Variants in MBD5 observed in about 807,000 individuals in gnomAD.
MBD5 encodes methyl-CpG binding domain protein 5.
MBD5 carries 13 observed loss-of-function variants against 117.3 expected under a neutral mutation model. That is an observed-to-expected ratio of 0.11 (90% confidence interval 0.07 to 0.18). The LOEUF is 0.18. Among genes scored for constraint, MBD5 ranks in the 10% least tolerant of loss-of-function variants. The pLI is 1.00. For missense variants in MBD5, 1,879 were observed against 2,093.8 expected (o/e 0.90, Z 2.00); for synonymous variants, 727 against 766.4 (o/e 0.95, Z 0.85).
intron 3 of MBD5, among the ~76,000 whole-genome samples, chr2:148,297,377 C>T (rs566286428): frequency 2.0e-5 from 3 of 152,252 alleles, no homozygotes; most frequent in African/African-American, 4.8e-5. Flanking sequence ...CTTCAGAGCA[C>T]GCAGCCTTTC....
chr2:148,346,782 C>T (rs1703133629), intron 4 of MBD5: 1 of 151,052 alleles, frequency 6.6e-6, no homozygotes, highest in Non-Finnish European at 1.5e-5. Flanking sequence ...GTTTTGTGTG[C>T]TTTATTTTTG....
intron 7 of MBD5, among the ~76,000 whole-genome samples, chr2:148,466,313 C>T (rs1053497754): frequency 2.0e-5 from 3 of 152,084 alleles, no homozygotes; most frequent in Non-Finnish European, 4.4e-5. Flanking sequence ...TATAACAAAA[C>T]ATCAGCCTGA....
intron 4 of MBD5, among the ~76,000 whole-genome samples, chr2:148,432,940 T>G (rs1326346071): frequency 6.6e-6 from 1 of 152,202 alleles, no homozygotes; most frequent in Non-Finnish European, 1.5e-5. Context: ...GCATTAAATC[T>G]GTAAATTGTT....
intron 1 of MBD5, among the ~76,000 whole-genome samples, chr2:148,112,210 A>G (rs1386977811): frequency 6.6e-6 from 1 of 152,216 alleles, no homozygotes; most frequent in Non-Finnish European, 1.5e-5. Flanking sequence ...AAGAATTTAT[A>G]GTTCTCCTAG....
intron 11 of MBD5, among the ~76,000 whole-genome samples, chr2:148,502,114 A>T (rs1269948253): frequency 1.3e-5 from 2 of 152,230 alleles, no homozygotes; most frequent in African/African-American, 2.4e-5. Flanking sequence ...GCAGTTGCTA[A>T]GAAAGTGAAC....
At chr2:148,340,877 T>C (rs537597909) in intron 3 of MBD5, among the ~76,000 whole-genome samples, 105 of 127,850 alleles carry the variant, frequency 8.2e-4, no homozygotes, top group East Asian at 4.2e-3. Flanking sequence ...CACACACACA[T>C]AGCATTTATT....
chr2:148,240,668 T>C (rs1184951667), intron 3 of MBD5, among the ~76,000 whole-genome samples: 1 of 152,182 alleles, frequency 6.6e-6, no homozygotes, highest in Non-Finnish European at 1.5e-5. Flanking sequence ...TCATGTCCCA[T>C]ATAGTATTCA....
intron 2 of MBD5, among the ~76,000 whole-genome samples, chr2:148,189,142 T>C: frequency 6.9e-6 from 1 of 144,648 alleles, no homozygotes; most frequent in South Asian, 2.3e-4. Flanking sequence ...AGCACAGCAG[T>C]CTGAGATCAA....
chr2:148,029,065 A>T (rs1693973117), intron 1 of MBD5, among the ~76,000 whole-genome samples: 1 of 152,150 alleles, frequency 6.6e-6, no homozygotes, highest in Non-Finnish European at 1.5e-5. Context: ...TGTTCAGTTT[A>T]CTATGTATCA....
intron 1 of MBD5, among the ~76,000 whole-genome samples, chr2:148,049,049 G>A (rs1235815860): frequency 6.6e-6 from 1 of 152,152 alleles, no homozygotes; most frequent in African/African-American, 2.4e-5. Flanking sequence ...GCCAGCAAGA[G>A]TCATATTGAC....
chr2:148,028,641 G>A (rs1693963222), intron 1 of MBD5: 2 of 151,866 alleles, frequency 1.3e-5, no homozygotes, highest in Admixed American at 6.6e-5. Context: ...TGATGTTGGG[G>A]GAGGGAAATA....
intron 1 of MBD5, among the ~76,000 whole-genome samples, chr2:148,037,072 T>C (rs1301894044): frequency 6.6e-6 from 1 of 152,024 alleles, no homozygotes; most frequent in Non-Finnish European, 1.5e-5. Context: ...GTAGGGTTTT[T>C]ATGTAAAGGC....
chr2:148,362,160 G>A (rs190887868), intron 4 of MBD5, among the ~76,000 whole-genome samples: 86 of 152,268 alleles, frequency 5.6e-4, no homozygotes, highest in Non-Finnish European at 9.1e-4. Flanking sequence ...CTGGAAAGGG[G>A]GCTGAAGCCA....
intron 3 of MBD5, among the ~76,000 whole-genome samples, chr2:148,326,859 G>T (rs1225830099): frequency 6.7e-6 from 1 of 149,728 alleles, no homozygotes; most frequent in Non-Finnish European, 1.5e-5. Context: ...ATTGTTATGT[G>T]TGAATTTGAT....
chr2:148,510,005 T>C, intron 12 of MBD5, 55 bp from the exon 13 acceptor site: 1 of 1,344,108 alleles, frequency 7.4e-7, no homozygotes, highest in Non-Finnish European at 1.1e-6. Flanking sequence ...GGAAATTAAA[T>C]TGAGTTTTGT....
At chr2:148,028,909 A>G (rs923623838) in intron 1 of MBD5, among the ~76,000 whole-genome samples, 1 of 152,076 alleles carries the variant, frequency 6.6e-6, no homozygotes, top group Non-Finnish European at 1.5e-5. Context: ...TTTCTGCTGA[A>G]GGATTTCTTG....
At chr2:148,271,847 T>C (rs1383274844) in intron 3 of MBD5, among the ~76,000 whole-genome samples, 1 of 152,194 alleles carries the variant, frequency 6.6e-6, no homozygotes, top group Non-Finnish European at 1.5e-5. Flanking sequence ...AATACATTTG[T>C]ATTAACCACA....
Position 148,129,884 on chromosome 2 carries a change from T to C in MBD5, c.-924-48816T>C, listed in dbSNP as rs138698122. 1.2e-3 allele frequency among the ~76,000 whole-genome samples: 178 copies of C among 152,328 alleles called. 1 individual carries two copies. Among genetic ancestry groups the C allele is most frequent in the African/African-American group, 4.1e-3 (171 of 41,588 alleles). On this transcript the variant is annotated intron_variant, in intron 1 of 13. Coordinates refer to ENST00000642680, the MANE Select transcript of MBD5 (RefSeq NM_001378120.1). ...TAAACTTTCTGTACTAATTTCCATC[T>C]ACACACTACTTAAACAAAATTTATT...
At chr2:148,108,138 G>A (rs1696416977) in intron 1 of MBD5, among the ~76,000 whole-genome samples, 1 of 152,048 alleles carries the variant, frequency 6.6e-6, no homozygotes, top group Admixed American at 6.6e-5. Flanking sequence ...AAAAGGGTTG[G>A]GGGTGGGTGG....
Sources: allele counts gnomAD v4.1 joint callset (sites outside exome capture counted in the v4.1 genomes callset), GRCh38; gene constraint gnomAD v4.1.1; transcripts MANE v1.5; gene names NCBI Gene and HGNC (gene_info 2026-07-23, HGNC 2026-07-21).